The following HERC2 variants were observed in gnomAD, a reference collection of about 807,000 sequenced individuals.
HERC2 encodes the protein HECT and RLD domain containing E3 ubiquitin protein ligase 2.
A neutral mutation model predicts 537.7 loss-of-function variants in HERC2; 102 were observed. The observed-to-expected ratio is 0.19, with a 90% confidence interval of 0.16 to 0.22. The LOEUF is 0.22. Ranked by LOEUF, HERC2 falls within the 10% of genes least tolerant of loss-of-function variation. HERC2 has a pLI of 1.00. For missense variants in HERC2, 4,236 were observed against 6,198.2 expected (o/e 0.68, Z 10.63); for synonymous variants, 2,224 against 2,466.2 (o/e 0.90, Z 2.91).
At chr15:28,184,723 A>G (rs1251318688) in intron 56 of HERC2, among the ~76,000 whole-genome samples, 1 of 151,312 alleles carries the variant, frequency 6.6e-6, no homozygotes, top group East Asian at 2.0e-4. Context: ...TTAGCCGGGC[A>G]TGGCGGCGTG....
At chr15:28,119,211 C>T (rs1351321655) in intron 86 of HERC2, among the ~76,000 whole-genome samples, 2 of 151,900 alleles carry the variant, frequency 1.3e-5, no homozygotes, top group Admixed American at 6.6e-5. Context: ...GCCTGGCCAA[C>T]ATGGTGAAAT....
intron 2 of HERC2, among the ~76,000 whole-genome samples, chr15:28,303,322 T>C (rs957024019): frequency 1.3e-5 from 2 of 152,176 alleles, no homozygotes; most frequent in Non-Finnish European, 1.5e-5. Context: ...TGTAGATGTA[T>C]AGATCTGTTT....
chr15:28,133,785 C>T (rs771512646), intron 79 of HERC2, among the ~76,000 whole-genome samples: 7 of 152,218 alleles, frequency 4.6e-5, no homozygotes, highest in Non-Finnish European at 7.3e-5. Context: ...TTTCCACACT[C>T]ATCTTGTCAG....
At chr15:28,125,898 G>A (rs1448828426) in intron 83 of HERC2, among the ~76,000 whole-genome samples, 2 of 152,138 alleles carry the variant, frequency 1.3e-5, no homozygotes, top group Admixed American at 1.3e-4. Flanking sequence ...CGCAACCTCC[G>A]CCTCCCGGGT....
At chr15:28,318,178 G>A (rs2141325276) in intron 2 of HERC2, among the ~76,000 whole-genome samples, 1 of 152,150 alleles carries the variant, frequency 6.6e-6, no homozygotes, top group Middle Eastern at 3.4e-3. Flanking sequence ...GTTTTGGTTT[G>A]CTAAAAAACT....
intron 35 of HERC2, 140 bp from the exon 36 acceptor site, chr15:28,222,355 T>C (rs919089310): frequency 2.2e-5 from 12 of 549,904 alleles, no homozygotes; most frequent in African/African-American, 9.3e-5. Context: ...TATAATATTA[T>C]GAATATTTTA....
intron 43 of HERC2, among the ~76,000 whole-genome samples, chr15:28,211,581 C>T (rs972969381): frequency 2.6e-5 from 4 of 152,078 alleles, no homozygotes; most frequent in Non-Finnish European, 5.9e-5. Flanking sequence ...TAGCAGAGGC[C>T]GCAGAAGCAG....
intron 70 of HERC2, among the ~76,000 whole-genome samples, chr15:28,152,239 C>T (rs1351381448): frequency 6.6e-6 from 1 of 152,206 alleles, no homozygotes; most frequent in East Asian, 1.9e-4. Flanking sequence ...GATCAAAGGC[C>T]GGGGCCTCAA....
At chr15:28,128,355 C>T (rs972136582) in intron 83 of HERC2, among the ~76,000 whole-genome samples, 24 of 152,096 alleles carry the variant, frequency 1.6e-4, no homozygotes, top group Non-Finnish European at 2.2e-4. Flanking sequence ...GCTCAGGACG[C>T]GGCAGCAGGA....
chr15:28,269,405 A>G lies in HERC2; in HGVS notation c.1289T>C (p.Leu430Ser). The change falls in exon 11 of 93, where the codon TTA becomes TCA. Residue 430 changes from leucine (L) to serine (S), a missense_variant. Physicochemically the swap from Leu to Ser is moderately radical, Grantham distance 145. Transcript: ENST00000261609. ...GSLQEVIGWGLIGWKYYANVI... is the reference protein window; with the variant it reads ...GSLQEVIGWGSIGWKYYANVI... ...ATTGGCATAGTATTTCCATCCTATT[A>G]ACCCCCAACCTATGACCTCTTGCAA... 1 of 1,614,140 alleles carries G rather than the reference A, an allele frequency of 6.2e-7. No individual in the cohort carries two copies. Among genetic ancestry groups the G allele is most frequent in the Non-Finnish European group, 8.5e-7 (1 of 1,179,968 alleles).
rs774935750 is a variant in HERC2, at chr15:28,176,927, G to T, written c.9432+23C>A. ...TCTTCAGATGGTAAGCTTTCTGCAA[G>T]CAACAAAAATGCGTATAATCACCAT... On this transcript the variant is annotated intron_variant, in intron 61 of 92. Coordinates refer to ENST00000261609, the MANE Select transcript of HERC2 (RefSeq NM_004667.6). This position sits in a 1 kb window ranked among gnomAD's most constrained non-coding sequence, Gnocchi z 5.0. 35 of 1,600,696 alleles carry T rather than the reference G, an allele frequency of 2.2e-5. No individual in the cohort carries two copies. Among genetic ancestry groups the T allele is most frequent in the Non-Finnish European group, 2.9e-5 (34 of 1,170,562 alleles).
At chr15:28,198,826 CATG>C (rs1897610087) in intron 48 of HERC2, 57 bp from the exon 49 acceptor site, 3 of 1,446,954 alleles carry the variant, frequency 2.1e-6, no homozygotes, top group Admixed American at 1.8e-5. Flanking sequence ...TGAAATGAGC[CATG>C]ATAAGTAGTA....
In HERC2 at chr15:28,218,471, C is replaced by G. The variant is rs764736772; in HGVS notation, c.6028+18G>C. ...CCCCAGCGCTGACTCCCTGGGCCCT[C>G]GATCTCTCATTCCATACATGTCTTG... On this transcript the variant is annotated intron_variant, in intron 38 of 92. Transcript: ENST00000261609. The G allele has an allele frequency of 1.3e-6, 2 of 1,585,186 alleles. No individual in the cohort carries two copies. Among genetic ancestry groups the G allele is most frequent in the Non-Finnish European group, 1.7e-6 (2 of 1,172,640 alleles).
intron 68 of HERC2, among the ~76,000 whole-genome samples, chr15:28,165,175 G>T (rs1894000000): frequency 6.6e-6 from 1 of 152,200 alleles, no homozygotes; most frequent in Admixed American, 6.5e-5. Flanking sequence ...GGTCAACATG[G>T]AGGTGAGGGG....
rs560880395 is a variant in HERC2 at position 28,150,402 on chromosome 15, G to A, written c.10900+2275C>T. Among the ~76,000 whole-genome samples the A allele has an allele frequency of 7.0e-5, 10 of 142,616 alleles. No individual in the cohort carries two copies. The South Asian group carries it at 1.6e-3, about 23-fold the overall frequency. 93.6% of individuals were successfully genotyped at this position (142,616 alleles called of 152,430 possible). On this transcript the variant is annotated intron_variant, in intron 70 of 92. Coordinates refer to ENST00000261609, the MANE Select transcript of HERC2 (RefSeq NM_004667.6). ...GAACCCACATTCTAGTAAAATTACC[G>A]AAAAACACACACTGGCTTAACCGAG...
In HERC2 at chr15:28,218,518, A is replaced by G. The variant is rs1158942519; in HGVS notation, c.5999T>C (p.Leu2000Ser). ...TKTLCGLLRM[L>S]VESGTTDKTS... The stretch of plus-strand genomic sequence containing the variant: ...CTTGTCCGTCGTTCCGCTTTCCACT[A>G]ACATTCGCAGCAGTCCGCATAAAGT... Residue 2000 changes from leucine (L) to serine (S), a missense_variant, in exon 38 of 93, where the codon TTA (leucine) becomes TCA (serine). Leu to Ser is a moderately radical substitution (Grantham distance 145). Coordinates refer to ENST00000261609, the MANE Select transcript of HERC2 (RefSeq NM_004667.6). The G allele has an allele frequency of 1.3e-6, 2 of 1,595,918 alleles. No individual in the cohort carries two copies.
chr15:28,240,191 G>A (rs1460525646), intron 23 of HERC2, among the ~76,000 whole-genome samples: 1 of 152,166 alleles, frequency 6.6e-6, no homozygotes, highest in Non-Finnish European at 1.5e-5. Flanking sequence ...GGCCAAGGTG[G>A]GCAGATCACA....
At chr15:28,317,489 C>G (rs533940540) in intron 2 of HERC2, among the ~76,000 whole-genome samples, 297 of 152,306 alleles carry the variant, frequency 2.0e-3, no homozygotes, top group African/African-American at 6.7e-3. Context: ...AATAAATGGT[C>G]CCAGTTTAGC....
chr15:28,250,170 T>C (rs952891534), intron 20 of HERC2, among the ~76,000 whole-genome samples: 1 of 150,692 alleles, frequency 6.6e-6, no homozygotes, highest in African/African-American at 2.4e-5. Context: ...GGCTTGTCAA[T>C]CCCACTTGCC....
Sources: gnomAD v4.1 joint callset for allele counts (sites outside exome capture counted in the v4.1 genomes callset) on GRCh38, gnomAD v4.1.1 for gene constraint, Gnocchi (gnomAD v3.1) non-coding constraint, MANE v1.5 for transcripts, NCBI Gene and HGNC (gene_info 2026-07-23, HGNC 2026-07-21) for gene names.